The following GPR146 variants were observed in gnomAD, a reference collection of about 807,000 sequenced individuals.
The protein encoded by GPR146 is G-protein coupled receptor 146.
For synonymous variants in GPR146, 203 were observed against 104.3 expected (o/e 1.95, Z -5.77); for missense variants, 381 against 213.9 (o/e 1.78, Z -4.87).
intron 1 of GPR146, among the ~76,000 whole-genome samples, chr7:1,054,179 G>A (rs1783474851): frequency 6.6e-6 from 1 of 152,202 alleles, no homozygotes; most frequent in African/African-American, 2.4e-5. Context: ...GGTAATGCCT[G>A]GTAAAAGGAG....
In GPR146 at chr7:1,058,040, G is replaced by T. The variant is rs758225061; in HGVS notation, c.525G>T (p.Ala175=). The T allele has an allele frequency of 1.3e-6, 1 of 768,856 alleles. No individual in the cohort carries two copies. Among genetic ancestry groups the T allele is most frequent in the Non-Finnish European group, 2.4e-6 (1 of 417,980 alleles). 47.6% of individuals were successfully genotyped at this position (768,856 alleles called of 1,614,324 possible). A position where few individuals can be genotyped will look rare whatever the true frequency, so the allele number is the denominator to read the frequency against. Residue 175 remains alanine (A), a synonymous_variant, in exon 2 of 2, where the codon GCG becomes GCT. Transcript: ENST00000444847. ...TCTGCAGCCATGTGTCCACCCGCGC[G>T]CTAGAGTGCGCCAAGATGCAGAACG... The part of the protein sequence containing the change: ...FYICSHVSTR[A]LECAKMQNAE...
rs374401416 is a variant in GPR146 at position 1,053,626 on chromosome 7, G to A, written c.-24-3866G>A. On this transcript the variant is annotated intron_variant, in intron 1 of 1. Transcript: ENST00000444847. ...GCGGATCACCTGAGGTCGGGAGTTC[G>A]AGATCAGCCTGGCCAACATGGAGAA... 2.0e-5 allele frequency among the ~76,000 whole-genome samples: 3 copies of A among 152,178 alleles called. No individual in the cohort carries two copies. The South Asian group carries it at 6.2e-4, about 32-fold the overall frequency.
chr7:1,057,758 T>C lies in GPR146; in HGVS notation c.243T>C (p.Pro81=), dbSNP rs11767527. The change falls in exon 2 of 2, where the codon CCT becomes CCC. Residue 81 remains proline, a synonymous_variant. Transcript: ENST00000444847. ...VAGLVLSALA[P]VHLLGPPSSR... is the part of the protein sequence containing the mutation. ...GCCTGGTGCTCAGCGCCCTGGCCCCTGTGCACCTGCTCGGCCCCCCGAGCT... is the reference window on the plus strand; with the variant it reads ...GCCTGGTGCTCAGCGCCCTGGCCCCCGTGCACCTGCTCGGCCCCCCGAGCT... 104,475 of 775,448 alleles carry C rather than the reference T, an allele frequency of 0.13. 8,239 individuals are homozygous for C. The highest frequency in any genetic ancestry group is 0.24 in the Middle Eastern group (1,044 of 4,420). The allele number at this position is 775,448 out of a possible 1,614,324, so 48.0% of individuals were successfully genotyped here. A position where few individuals can be genotyped will look rare whatever the true frequency, so the allele number is the denominator to read the frequency against.
In GPR146 at chr7:1,058,037, C is replaced by T. The variant is rs144384748; in HGVS notation, c.522C>T (p.Arg174=). Residue 174 remains arginine (R), a synonymous_variant, in exon 2 of 2, where the codon CGC becomes CGT. Coordinates refer to ENST00000444847, the MANE Select transcript of GPR146 (RefSeq NM_001303473.2). ...LFYICSHVST[R]ALECAKMQNA... ...ACATCTGCAGCCATGTGTCCACCCG[C>T]GCGCTAGAGTGCGCCAAGATGCAGA... is the stretch of plus-strand genomic sequence containing the variant. 2.2e-4 allele frequency: 167 copies of T among 769,158 alleles called. No homozygotes were observed. Among genetic ancestry groups the T allele is most frequent in the Middle Eastern group, 1.8e-3 (8 of 4,414 alleles). The allele number at this position is 769,158 out of a possible 1,614,324, so 47.6% of individuals were successfully genotyped here.
In GPR146 at chr7:1,057,508, C is replaced by T. The variant is rs185126456; in HGVS notation, c.-8C>T. On this transcript the variant is annotated 5_prime_UTR_variant, in exon 2 of 2. Transcript: ENST00000444847. ...TTTCCGCAGGGTCGCGGAGCCTCGCCGGCCGCCATGTGGAGCTGCAGCTGG... is the reference window on the plus strand; with the variant it reads ...TTTCCGCAGGGTCGCGGAGCCTCGCTGGCCGCCATGTGGAGCTGCAGCTGG... 5.0e-4 allele frequency: 382 copies of T among 761,150 alleles called. 1 individual carries two copies. The East Asian group carries it at 6.9e-3, about 14-fold the overall frequency. 47.1% of individuals were successfully genotyped at this position (761,150 alleles called of 1,614,324 possible).
rs1406112041 is a variant in GPR146, at chr7:1,052,055, T to A, written c.-24-5437T>A. On this transcript the variant is annotated intron_variant, in intron 1 of 1. Coordinates refer to ENST00000444847, the MANE Select transcript of GPR146 (RefSeq NM_001303473.2). This position sits in a 1 kb window ranked among gnomAD's most constrained non-coding sequence, Gnocchi z 4.2. ...TTAATGAATTCTCTTATAGGGAAAA[T>A]AAAACGATTGAAACTGGGCCATCTT... 1.3e-5 allele frequency among the ~76,000 whole-genome samples: 2 copies of A among 152,156 alleles called. No homozygotes were observed. Among genetic ancestry groups the A allele is most frequent in the East Asian group, 3.9e-4 (2 of 5,184 alleles).
Position 1,058,104 on chromosome 7 carries a change from G to A in GPR146, c.589G>A (p.Val197Met), listed in dbSNP as rs369609876. 3.5e-5 allele frequency: 27 copies of A among 764,498 alleles called. No individual in the cohort carries two copies. Among genetic ancestry groups the A allele is most frequent in the Middle Eastern group, 2.3e-4 (1 of 4,288 alleles). 47.4% of individuals were successfully genotyped at this position (764,498 alleles called of 1,614,324 possible). The change falls in exon 2 of 2, where the codon GTG (valine) becomes ATG (methionine). Residue 197 changes from valine to methionine, a missense_variant. Physicochemically the swap from Val to Met is conservative, Grantham distance 21. Coordinates refer to ENST00000444847, the MANE Select transcript of GPR146 (RefSeq NM_001303473.2). ...ADATLVFIGY[V>M]VPALATLYAL... The stretch of plus-strand genomic sequence containing the variant: ...CGCCACGCTGGTGTTCATCGGCTAC[G>A]TGGTGCCAGCACTGGCCACCCTCTA...
intron 1 of GPR146, among the ~76,000 whole-genome samples, chr7:1,049,921 A>C (rs1315790100): frequency 7.9e-5 from 12 of 152,058 alleles, no homozygotes; most frequent in Non-Finnish European, 1.8e-4. Context: ...GCCTCCCACC[A>C]GCCAGGCCTG....
chr7:1,053,818 C>T (rs965709501), intron 1 of GPR146, among the ~76,000 whole-genome samples: 1 of 152,132 alleles, frequency 6.6e-6, no homozygotes, highest in East Asian at 1.9e-4. Context: ...CAGAGCGAGA[C>T]TCCATCTCAA....
In GPR146 at chr7:1,058,033, C is replaced by T. The variant is rs762213380; in HGVS notation, c.518C>T (p.Thr173Ile). Residue 173 changes from threonine (T) to isoleucine (I), a missense_variant, in exon 2 of 2, where the codon ACC becomes ATC. Transcript: ENST00000444847. ...LLFYICSHVS[T>I]RALECAKMQN... ...TTCTACATCTGCAGCCATGTGTCCA[C>T]CCGCGCGCTAGAGTGCGCCAAGATG... The T allele has an allele frequency of 3.9e-6, 3 of 769,340 alleles. No individual in the cohort carries two copies. The highest frequency in any genetic ancestry group is 1.7e-5 in the Admixed American group (1 of 59,046). 47.7% of individuals were successfully genotyped at this position (769,340 alleles called of 1,614,324 possible). A position where few individuals can be genotyped will look rare whatever the true frequency, so the allele number is the denominator to read the frequency against.
At chr7:1,053,470 C>A (rs1783364236) in intron 1 of GPR146, among the ~76,000 whole-genome samples, 1 of 152,266 alleles carries the variant, frequency 6.6e-6, no homozygotes, top group African/African-American at 2.4e-5. Context: ...CACTGGCTCA[C>A]ATGACTCGCC....
rs925781759 is a variant in GPR146 at position 1,058,261 on chromosome 7, A to G, written c.746A>G (p.His249Arg). 1 of 771,460 alleles carries G rather than the reference A, an allele frequency of 1.3e-6. No homozygotes were observed. The highest frequency in any genetic ancestry group is 2.4e-6 in the Non-Finnish European group (1 of 417,870). The allele number at this position is 771,460 out of a possible 1,614,324, so 47.8% of individuals were successfully genotyped here. The change falls in exon 2 of 2, where the codon CAC (histidine) becomes CGC (arginine). Residue 249 changes from histidine to arginine, a missense_variant. Physicochemically the swap from His to Arg is conservative, Grantham distance 29. Transcript: ENST00000444847. ...ACGCAGTTTGGGCTCTGGACGCCAC[A>G]CTATCTGATCCTGCTGGGGCACACG... ...VCTQFGLWTPHYLILLGHTVI... is the reference protein window; with the variant it reads ...VCTQFGLWTPRYLILLGHTVI...
Position 1,052,383 on chromosome 7 carries a change from TG to T in GPR146, c.-24-5105del, listed in dbSNP as rs1395197703. ...GCTTGTGCTGGCACCGACGTGGGCC[TG>T]GGGAGGGACCTGTGTGTGGGTGGCA... On this transcript the variant is annotated intron_variant, in intron 1 of 1. Coordinates refer to ENST00000444847, the MANE Select transcript of GPR146 (RefSeq NM_001303473.2). This position sits in a 1 kb window ranked among gnomAD's most constrained non-coding sequence, Gnocchi z 4.2. 6.6e-6 allele frequency among the ~76,000 whole-genome samples: 1 copy of T among 151,274 alleles called. No homozygotes were observed. The highest frequency in any genetic ancestry group is 1.5e-5 in the Non-Finnish European group (1 of 67,816).
chr7:1,058,285 C>CGGTCATCATCTCGCGAGGGAAGCCCGT lies in GPR146; in HGVS notation c.773_799dup (p.Val258_Val266dup). On this transcript the variant is annotated inframe_insertion, in exon 2 of 2. Coordinates refer to ENST00000444847, the MANE Select transcript of GPR146 (RefSeq NM_001303473.2). ...CACTATCTGATCCTGCTGGGGCACACGGTCATCATCTCGCGAGGGAAGCCC... is the reference window on the plus strand; with the variant it reads ...CACTATCTGATCCTGCTGGGGCACACGGTCATCATCTCGCGAGGGAAGCCCGTGGTCATCATCTCGCGAGGGAAGCCC... The CGGTCATCATCTCGCGAGGGAAGCCCGT allele has an allele frequency of 3.9e-6, 3 of 773,578 alleles. No homozygotes were observed. The highest frequency in any genetic ancestry group is 1.7e-5 in the Admixed American group (1 of 59,022). The allele number at this position is 773,578 out of a possible 1,614,324, so 47.9% of individuals were successfully genotyped here. A position where few individuals can be genotyped will look rare whatever the true frequency, so the allele number is the denominator to read the frequency against.
intron 1 of GPR146, among the ~76,000 whole-genome samples, chr7:1,048,352 C>T (rs1258742881): frequency 6.6e-6 from 1 of 152,140 alleles, no homozygotes; most frequent in Non-Finnish European, 1.5e-5. Context: ...GAAACTAATT[C>T]AGCCACCTTG....
chr7:1,056,721 G>A (rs2128204011), intron 1 of GPR146: 1 of 152,332 alleles, frequency 6.6e-6, no homozygotes, highest in South Asian at 2.1e-4. Flanking sequence ...CCGGGCATGG[G>A]AACGATGCCG....
chr7:1,058,020 A>G lies in GPR146; in HGVS notation c.505A>G (p.Ser169Gly), dbSNP rs1784032658. ...CTCCTCGCTGCTCTTCTACATCTGC[A>G]GCCATGTGTCCACCCGCGCGCTAGA... is the stretch of plus-strand genomic sequence containing the variant. The part of the protein sequence containing the change: ...SFSSLLFYIC[S>G]HVSTRALECA... The change falls in exon 2 of 2, where the codon AGC (serine) becomes GGC (glycine). Residue 169 changes from serine (S) to glycine (G), a missense_variant. Ser to Gly is a moderately conservative substitution (Grantham distance 56). Coordinates refer to ENST00000444847, the MANE Select transcript of GPR146 (RefSeq NM_001303473.2). 1.3e-6 allele frequency: 1 copy of G among 769,674 alleles called. No homozygotes were observed. The highest frequency in any genetic ancestry group is 2.4e-6 in the Non-Finnish European group (1 of 417,986). The allele number at this position is 769,674 out of a possible 1,614,324, so 47.7% of individuals were successfully genotyped here. A position where few individuals can be genotyped will look rare whatever the true frequency, so the allele number is the denominator to read the frequency against.
chr7:1,050,127 C>T (rs1782958468), intron 1 of GPR146, among the ~76,000 whole-genome samples: 1 of 152,230 alleles, frequency 6.6e-6, no homozygotes. Context: ...TCAGCACAGG[C>T]CTACGGGCTC....
chr7:1,046,786 C>G (rs1782622276), intron 1 of GPR146, among the ~76,000 whole-genome samples: 1 of 152,198 alleles, frequency 6.6e-6, no homozygotes, highest in South Asian at 2.1e-4. Context: ...CAAGGACTTT[C>G]CCCATTTTAA....
Sources: gnomAD v4.1 joint callset for allele counts (sites outside exome capture counted in the v4.1 genomes callset) on GRCh38, gnomAD v4.1.1 for gene constraint, Gnocchi (gnomAD v3.1) non-coding constraint, MANE v1.5 for transcripts, NCBI Gene and HGNC (gene_info 2026-07-23, HGNC 2026-07-21) for gene names.